The following CENPP variants were observed in gnomAD, a reference collection of about 807,000 sequenced individuals.
The protein encoded by CENPP is centromere protein P.
In CENPP, 24 loss-of-function variants were observed where a neutral mutation model predicts 35.6. The observed-to-expected ratio is 0.67, with a 90% CI of 0.49 to 0.95. The LOEUF (loss-of-function observed/expected upper bound fraction) is 0.95. Ranked by LOEUF, CENPP falls within the 40% of genes least tolerant of loss-of-function variation. The pLI is 0.00. For missense variants in CENPP, 332 were observed against 345.3 expected (o/e 0.96, Z 0.31); for synonymous variants, 120 against 125.5 (o/e 0.96, Z 0.29).
At chr9:92,473,370 A>G (rs1199474113) in intron 5 of CENPP, among the ~76,000 whole-genome samples, 2 of 152,198 alleles carry the variant, frequency 1.3e-5, no homozygotes, top group Admixed American at 6.5e-5. Context: ...GTGGAGTCAT[A>G]GCAGATACAC....
At chr9:92,553,197 C>T (rs527249079) in intron 5 of CENPP, among the ~76,000 whole-genome samples, 86 of 152,172 alleles carry the variant, frequency 5.7e-4, no homozygotes, top group African/African-American at 2.0e-3. Context: ...TTTTTGTTTG[C>T]TTTGTCGAAG....
intron 5 of CENPP, chr9:92,404,615 A>C: frequency 2.3e-6 from 3 of 1,288,112 alleles, no homozygotes; most frequent in Non-Finnish European, 3.0e-6. Flanking sequence ...CTGCTGAGTA[A>C]AATTTCAGGG....
intron 4 of CENPP, among the ~76,000 whole-genome samples, chr9:92,346,111 A>G (rs1377086522): frequency 1.3e-5 from 2 of 152,238 alleles, no homozygotes; most frequent in East Asian, 3.8e-4. Flanking sequence ...ATATAAAATT[A>G]TGGCTATGTT....
chr9:92,351,355 C>G (rs535367030), intron 4 of CENPP, among the ~76,000 whole-genome samples: 1 of 152,012 alleles, frequency 6.6e-6, no homozygotes, highest in Admixed American at 6.6e-5. Context: ...TGGCACGTGA[C>G]TGTAGTCCCA....
chr9:92,527,685 C>A (rs1848497376), intron 5 of CENPP, among the ~76,000 whole-genome samples: 1 of 152,056 alleles, frequency 6.6e-6, no homozygotes, highest in Admixed American at 6.6e-5. Flanking sequence ...ACAGTGTCTA[C>A]CACCCAAATG....
chr9:92,387,175 C>T (rs1842465803), intron 5 of CENPP, among the ~76,000 whole-genome samples: 1 of 151,490 alleles, frequency 6.6e-6, no homozygotes, highest in Admixed American at 6.6e-5. Context: ...GAGTTCGAGA[C>T]CAGCCTGGCC....
chr9:92,578,427 G>C lies in CENPP; in HGVS notation c.565-32887G>C, dbSNP rs528385387. On this transcript the variant is annotated intron_variant, in intron 5 of 7. Transcript: ENST00000375587. ...TTACAGTCCCACCAACAGTGTAAAA[G>C]TGTTCCTATTTCTCCACATCCTCTC... is the stretch of plus-strand genomic sequence containing the variant. Among the ~76,000 whole-genome samples the C allele has an allele frequency of 8.6e-5, 13 of 151,922 alleles. No individual in the cohort carries two copies. The South Asian group carries it at 2.5e-3, about 29-fold the overall frequency.
At chr9:92,362,054 A>G (rs193188822) in intron 4 of CENPP, among the ~76,000 whole-genome samples, 41 of 152,216 alleles carry the variant, frequency 2.7e-4, no homozygotes, top group Admixed American at 1.6e-3. Flanking sequence ...GATAAGATAA[A>G]ATAAATTCAA....
chr9:92,446,509 G>A (rs1204664317), intron 5 of CENPP, among the ~76,000 whole-genome samples: 3 of 152,164 alleles, frequency 2.0e-5, no homozygotes, highest in South Asian at 4.1e-4. Context: ...AATAGTAACT[G>A]TAGTCTGTTG....
At chr9:92,574,719 C>T (rs1850236461) in intron 5 of CENPP, among the ~76,000 whole-genome samples, 1 of 152,138 alleles carries the variant, frequency 6.6e-6, no homozygotes, top group African/African-American at 2.4e-5. Flanking sequence ...TAGAAAAACT[C>T]ATTCTAGAAT....
chr9:92,326,180 A>G (rs1386694031), intron 1 of CENPP, 75 bp downstream of exon 1: 2 of 925,530 alleles, frequency 2.2e-6, no homozygotes, highest in South Asian at 1.6e-5. Flanking sequence ...CTCCACAGAC[A>G]TCCTCGGTCT....
At chr9:92,611,204 C>A in intron 5 of CENPP, 110 bp from the exon 6 acceptor site, 1 of 847,084 alleles carries the variant, frequency 1.2e-6, no homozygotes, top group Non-Finnish European at 2.0e-6. Context: ...GCTGCGCAAA[C>A]ACTCGGACCC....
intron 5 of CENPP, chr9:92,401,062 C>A (rs1321812468): frequency 5.0e-6 from 5 of 1,007,514 alleles, no homozygotes; most frequent in Non-Finnish European, 7.7e-6. Flanking sequence ...TTTAAAAGAT[C>A]CATTTGAAAA....
In CENPP at chr9:92,518,624, C is replaced by A. The variant is rs10820982; in HGVS notation, c.565-92690C>A. Among the ~76,000 whole-genome samples the A allele has an allele frequency of 2.6e-4, 39 of 152,084 alleles. No individual in the cohort carries two copies. The South Asian group carries it at 3.3e-3, about 13-fold the overall frequency. ...TGAAGTGTATAATACTGTCTGGGCA[C>A]GGTGGCTCATGCCTGTAATCCCAGC... On this transcript the variant is annotated intron_variant, in intron 5 of 7. Coordinates refer to ENST00000375587, the MANE Select transcript of CENPP (RefSeq NM_001012267.3).
rs551466031 is a variant in CENPP, at chr9:92,369,162, A to G, written c.468-10601A>G. On this transcript the variant is annotated intron_variant, in intron 4 of 7. Transcript: ENST00000375587. ...ATTAAAAATGTAGTTACAGTTCACAAGAGGGAGAGGCACACCACACCATAG... is the reference window on the plus strand; with the variant it reads ...ATTAAAAATGTAGTTACAGTTCACAGGAGGGAGAGGCACACCACACCATAG... Among the ~76,000 whole-genome samples, 3 of 152,352 alleles carry G rather than the reference A, an allele frequency of 2.0e-5. No homozygotes were observed. The East Asian group carries it at 5.8e-4, about 29-fold the overall frequency.
intron 5 of CENPP, among the ~76,000 whole-genome samples, chr9:92,449,224 G>A (rs1421223640): frequency 2.0e-5 from 3 of 151,876 alleles, no homozygotes; most frequent in Non-Finnish European, 2.9e-5. Flanking sequence ...GGGCGGACAC[G>A]AGGTCAGGAG....
intron 5 of CENPP, among the ~76,000 whole-genome samples, chr9:92,483,587 G>A (rs893623995): frequency 6.6e-6 from 1 of 152,170 alleles, no homozygotes; most frequent in African/African-American, 2.4e-5. Flanking sequence ...GACCCCAATG[G>A]TTCTTCCCAA....
At chr9:92,456,235 A>G (rs1264680205) in intron 5 of CENPP, 1 of 152,288 alleles carries the variant, frequency 6.6e-6, no homozygotes, top group African/African-American at 2.4e-5. Context: ...TTTAATGAAA[A>G]TTTCCCTGTT....
chr9:92,383,054 C>A (rs1028624604), intron 5 of CENPP, among the ~76,000 whole-genome samples: 1 of 151,906 alleles, frequency 6.6e-6, no homozygotes, highest in African/African-American at 2.4e-5. Context: ...CGCCACCACA[C>A]CCGGCTAATT....
Sources: gnomAD v4.1 joint callset for allele counts (sites outside exome capture counted in the v4.1 genomes callset) on GRCh38, gnomAD v4.1.1 for gene constraint, MANE v1.5 for transcripts, NCBI Gene and HGNC (gene_info 2026-07-23, HGNC 2026-07-21) for gene names.